The following DNAI2 variants were observed in gnomAD, a reference collection of about 807,000 sequenced individuals.
DNAI2 encodes the protein dynein, axonemal, intermediate polypeptide 2.
Under a neutral mutation model 74.7 loss-of-function variants are expected in DNAI2, and 63 were observed. That is an observed-to-expected ratio of 0.84 (90% confidence interval 0.69 to 1.04). DNAI2 has a LOEUF of 1.04. Ranked by LOEUF, DNAI2 falls within the 50% of genes least tolerant of loss-of-function variation. The pLI, the probability that DNAI2 is intolerant of heterozygous loss-of-function variation, is 0.00. For synonymous variants in DNAI2, 289 were observed against 314.9 expected, an observed-to-expected ratio of 0.92 and a Z score of 0.87; for missense variants, 688 against 803.2, an observed-to-expected ratio of 0.86 and a Z score of 1.73.
At chr17:74,313,713 A>G (rs949232019) in intron 12 of DNAI2, 97 of 229,804 alleles carry the variant, frequency 4.2e-4, no homozygotes, top group African/African-American at 2.1e-3. Flanking sequence ...AATTGGCCCA[A>G]AACGCTGGTG....
Position 74,310,121 on chromosome 17 carries a change from GCT to G in DNAI2, c.1457_1458del (p.Ser486TyrfsTer6). ...TTTLLEVSPG[L>X]STLQRNEKNV... The stretch of plus-strand genomic sequence containing the variant: ...CCACCCTGCTGGAGGTCTCGCCTGG[GCT>G]CTCTACCCTCCAGAGGAATGAGAAG... On this transcript the variant is annotated frameshift_variant, in exon 11 of 14. Transcript: ENST00000311014. LOFTEE classifies it high-confidence loss of function. 1.2e-6 allele frequency: 2 copies of G among 1,613,758 alleles called. No homozygotes were observed. The highest frequency in any genetic ancestry group is 1.7e-6 in the Non-Finnish European group (2 of 1,180,014).
At chr17:74,297,472 C>G (rs1001183974) in intron 6 of DNAI2, among the ~76,000 whole-genome samples, 3 of 150,208 alleles carry the variant, frequency 2.0e-5, no homozygotes, top group African/African-American at 7.4e-5. Context: ...CTCACTGCCA[C>G]CTCCGCCTCC....
chr17:74,295,656 T>A (rs375716674), intron 6 of DNAI2, among the ~76,000 whole-genome samples: 1 of 149,830 alleles, frequency 6.7e-6, no homozygotes, highest in Non-Finnish European at 1.5e-5. Flanking sequence ...ATTTTTTTTT[T>A]ATTAAAAACT....
chr17:74,290,097 C>T (rs1348538312), intron 5 of DNAI2, among the ~76,000 whole-genome samples: 1 of 152,202 alleles, frequency 6.6e-6, no homozygotes, highest in Non-Finnish European at 1.5e-5. Flanking sequence ...AGGTGGATCA[C>T]CTGAAGTCAG....
At chr17:74,307,642 G>A (rs1598336203) in intron 9 of DNAI2, among the ~76,000 whole-genome samples, 1 of 151,552 alleles carries the variant, frequency 6.6e-6, no homozygotes, top group African/African-American at 2.4e-5. Flanking sequence ...CAGCCTGGGC[G>A]ACAGAGTGAG....
intron 1 of DNAI2, chr17:74,281,573 C>T (rs999373894): frequency 2.4e-5 from 14 of 590,506 alleles, no homozygotes; most frequent in African/African-American, 3.7e-5. Context: ...TTTTATTGCC[C>T]TCCTCAGAGA....
intron 6 of DNAI2, 147 bp from the exon 7 acceptor site, chr17:74,299,571 C>T (rs906654465): frequency 2.0e-6 from 2 of 1,025,220 alleles, no homozygotes; most frequent in East Asian, 5.2e-5. Flanking sequence ...TGGTAGGAAA[C>T]TCAGGCTGAT....
rs769780034 is a variant in DNAI2, at chr17:74,281,761, G to T, written c.-11-46G>T. On this transcript the variant is annotated intron_variant, in intron 1 of 13. Coordinates refer to ENST00000311014, the MANE Select transcript of DNAI2 (RefSeq NM_023036.6). ...TGGCAGGACCTGTGGAGATAGGGAA[G>T]GGGCCGGTGGGGTCCCTCACCCCAC... 1.2e-5 allele frequency: 19 copies of T among 1,596,416 alleles called. No individual in the cohort carries two copies. The Admixed American group carries it at 3.2e-4, about 27-fold the overall frequency.
At chr17:74,297,081 GA>G (rs2052487939) in intron 6 of DNAI2, among the ~76,000 whole-genome samples, 2 of 152,020 alleles carry the variant, frequency 1.3e-5, no homozygotes, top group Admixed American at 1.3e-4. Context: ...CTGGAAAACT[GA>G]TTTTTGTTTG....
intron 10 of DNAI2, 37 bp downstream of exon 10, chr17:74,309,425 CAG>C (rs771227104): frequency 6.2e-7 from 1 of 1,613,858 alleles, no homozygotes; most frequent in East Asian, 2.2e-5. Flanking sequence ...TCCAGGTCCT[CAG>C]GGAGCCAGGT....
At chr17:74,311,765 G>A (rs1286131310) in intron 11 of DNAI2, among the ~76,000 whole-genome samples, 3 of 152,220 alleles carry the variant, frequency 2.0e-5, no homozygotes, top group Non-Finnish European at 2.9e-5. Flanking sequence ...TCTTCTGCCT[G>A]TGGTTCTGGA....
intron 1 of DNAI2, among the ~76,000 whole-genome samples, chr17:74,279,911 C>G (rs549333712): frequency 1.3e-5 from 2 of 152,296 alleles, no homozygotes; most frequent in South Asian, 4.1e-4. Context: ...CCCACCAGCA[C>G]CAGCCACTCA....
chr17:74,289,857 A>G, intron 5 of DNAI2, 121 bp downstream of exon 5: 1 of 1,233,074 alleles, frequency 8.1e-7, no homozygotes, highest in Non-Finnish European at 1.2e-6. Flanking sequence ...CCTCAAGGGA[A>G]GGGCCCGCAG....
At chr17:74,302,620 A>T (rs1002937186) in intron 8 of DNAI2, among the ~76,000 whole-genome samples, 1 of 152,192 alleles carries the variant, frequency 6.6e-6, no homozygotes, top group African/African-American at 2.4e-5. Flanking sequence ...AGCATAGTGC[A>T]AATGTGTTAG....
At position 74,301,168 on chromosome 17, in the gene DNAI2, G is replaced by A; in HGVS notation, c.987G>A (p.Leu329=). 3.7e-6 allele frequency: 6 copies of A among 1,613,678 alleles called. No individual in the cohort carries two copies. Among genetic ancestry groups the A allele is most frequent in the Middle Eastern group, 1.6e-4 (1 of 6,062 alleles). ...GAISLEFEST[L]PTKFMVGTEQ... ...TCTCCCTGGAGTTCGAATCTACTTT[G>A]GTGAGTGTCCCTTGCTGTCCCTTCC... The change falls in exon 8 of 14, where the codon TTG becomes TTA. Residue 329 remains leucine (L), a splice_region_variant and synonymous_variant. Coordinates refer to ENST00000311014, the MANE Select transcript of DNAI2 (RefSeq NM_023036.6).
In DNAI2 at chr17:74,310,114, C is replaced by T. The variant is rs187581577; in HGVS notation, c.1445C>T (p.Ser482Leu). 1.8e-5 allele frequency: 29 copies of T among 1,613,828 alleles called. No individual in the cohort carries two copies. The African/African-American group carries it at 2.9e-4, about 16-fold the overall frequency. The change falls in exon 11 of 14, where the codon TCG becomes TTG. Residue 482 changes from serine to leucine, a missense_variant. By Grantham distance (145) the Ser-to-Leu change is moderately radical (BLOSUM62 -2). Transcript: ENST00000311014. ...QLGTTTLLEV[S>L]PGLSTLQRNE... ...GGGACAACCACCCTGCTGGAGGTCT[C>T]GCCTGGGCTCTCTACCCTCCAGAGG...
intron 5 of DNAI2, 68 bp from the exon 6 acceptor site, chr17:74,290,952 G>A: frequency 1.4e-6 from 2 of 1,395,710 alleles, no homozygotes; most frequent in Non-Finnish European, 2.0e-6. Context: ...CCGCAGAAGG[G>A]GTGAAACTGG....
chr17:74,297,210 C>T (rs1023972751), intron 6 of DNAI2, among the ~76,000 whole-genome samples: 10 of 151,908 alleles, frequency 6.6e-5, no homozygotes, highest in Non-Finnish European at 1.3e-4. Flanking sequence ...CTCAGCCTCC[C>T]GAGTAGCTGG....
chr17:74,291,171 T>C, intron 6 of DNAI2, 38 bp downstream of exon 6: 1 of 1,467,910 alleles, frequency 6.8e-7, no homozygotes, highest in Non-Finnish European at 9.5e-7. Context: ...TTTATTTTTA[T>C]TTTTTTTAGA....
Sources: gnomAD v4.1 joint callset for allele counts (sites outside exome capture counted in the v4.1 genomes callset) on GRCh38, gnomAD v4.1.1 for gene constraint, MANE v1.5 for transcripts, NCBI Gene and HGNC (gene_info 2026-07-23, HGNC 2026-07-21) for gene names.